The following CCDC12 variants were observed in gnomAD, a reference collection of about 807,000 sequenced individuals.
CCDC12 encodes the protein coiled-coil domain containing 12, also known as coiled-coil domain-containing protein 12.
CCDC12 carries 28 observed loss-of-function variants against 25.7 expected under a neutral mutation model. The observed-to-expected ratio is 1.09, with a 90% confidence interval of 0.81 to 1.50. The LOEUF (loss-of-function observed/expected upper bound fraction) is 1.50, where lower values mean the gene tolerates loss of function less well. CCDC12 is among the 40% of genes most tolerant of loss of function. The pLI is 0.00. For missense variants in CCDC12, 198 were observed against 210.0 expected (o/e 0.94, Z 0.35); for synonymous variants, 75 against 87.7 (o/e 0.86, Z 0.81).
At chr3:46,941,621 T>G (rs1042393697) in intron 1 of CCDC12, among the ~76,000 whole-genome samples, 1 of 151,256 alleles carries the variant, frequency 6.6e-6, no homozygotes, top group Non-Finnish European at 1.5e-5. Context: ...CCCAGGTACC[T>G]GGTAGCCCTT....
In CCDC12 at chr3:46,927,448, A is replaced by T. The variant is rs1010101853; in HGVS notation, c.165-1913T>A. Among the ~76,000 whole-genome samples, 50 of 152,196 alleles carry T rather than the reference A, an allele frequency of 3.3e-4. 1 individual carries two copies. The highest frequency in any genetic ancestry group is 3.1e-3 in the Admixed American group (47 of 15,282). On this transcript the variant is annotated intron_variant, in intron 2 of 6. Transcript: ENST00000683445. ...CTGTGAGAAATCAGAAGGAGAGAGG[A>T]GAGGCCACAGGGAACTGTACCCAGA...
chr3:46,931,062 G>C (rs539572347), intron 2 of CCDC12, among the ~76,000 whole-genome samples: 1 of 152,354 alleles, frequency 6.6e-6, no homozygotes, highest in African/African-American at 2.4e-5. Flanking sequence ...TCAATGACTT[G>C]AGAAGACATT....
intron 1 of CCDC12, among the ~76,000 whole-genome samples, chr3:46,951,779 C>CAAAAAAGAAAAAAAA (rs2034123347): frequency 7.3e-5 from 1 of 13,660 alleles, no homozygotes; most frequent in Non-Finnish European, 1.1e-4. Flanking sequence ...GACTCCGTCT[C>CAAAAAAGAAAAAAAA]AAAAAAAAAA....
At chr3:46,929,905 C>T (rs1378975176) in intron 2 of CCDC12, among the ~76,000 whole-genome samples, 4 of 151,682 alleles carry the variant, frequency 2.6e-5, no homozygotes, top group African/African-American at 9.7e-5. Flanking sequence ...GTGGCGGGTG[C>T]CTGTAATCCC....
chr3:46,922,356 C>G lies in CCDC12; in HGVS notation c.342-44G>C. On this transcript the variant is annotated intron_variant, in intron 5 of 6. Transcript: ENST00000683445. ...GAGAAGCAGGAAGGTGAAGGCTGGC[C>G]TGATGTGGCATTGGGTCCCCTCCCC... The G allele has an allele frequency of 3.1e-6, 5 of 1,609,202 alleles. No homozygotes were observed. The South Asian group carries it at 5.5e-5, about 18-fold the overall frequency.
At chr3:46,957,004 G>A (rs2034309808) in intron 1 of CCDC12, among the ~76,000 whole-genome samples, 1 of 152,156 alleles carries the variant, frequency 6.6e-6, no homozygotes, top group Non-Finnish European at 1.5e-5. Flanking sequence ...GCTGCCCAGA[G>A]CCCGAGCTCC....
At chr3:46,940,953 G>C in intron 2 of CCDC12, 45 bp downstream of exon 2, 1 of 1,585,292 alleles carries the variant, frequency 6.3e-7, no homozygotes, top group Non-Finnish European at 8.7e-7. Flanking sequence ...AGACCGATGA[G>C]TGCTGGAGGA....
chr3:46,927,354 G>C (rs1235883923), intron 2 of CCDC12, among the ~76,000 whole-genome samples: 12 of 152,186 alleles, frequency 7.9e-5, no homozygotes, highest in Admixed American at 7.9e-4. Context: ...GAGAAACTGG[G>C]TGTGGGAAGA....
At chr3:46,926,930 C>T (rs2107107029) in intron 2 of CCDC12, among the ~76,000 whole-genome samples, 1 of 152,218 alleles carries the variant, frequency 6.6e-6, no homozygotes, top group East Asian at 1.9e-4. Context: ...TCAGGCCCTG[C>T]AAAAGCAAGC....
chr3:46,962,527 C>G (rs928939504), intron 1 of CCDC12, among the ~76,000 whole-genome samples: 10 of 148,412 alleles, frequency 6.7e-5, no homozygotes, highest in African/African-American at 2.2e-4. Flanking sequence ...ATACACAGAA[C>G]AAAGGACACA....
intron 2 of CCDC12, among the ~76,000 whole-genome samples, chr3:46,934,586 C>T (rs1209889394): frequency 6.6e-6 from 1 of 152,238 alleles, no homozygotes; most frequent in Non-Finnish European, 1.5e-5. Flanking sequence ...TTAATGCACA[C>T]AGAAAGGATT....
At chr3:46,969,319 CTGTT>C (rs997301595) in intron 1 of CCDC12, among the ~76,000 whole-genome samples, 4 of 152,090 alleles carry the variant, frequency 2.6e-5, no homozygotes, top group African/African-American at 9.7e-5. Flanking sequence ...TTTTTTCTTT[CTGTT>C]TGTTTTTTAA....
chr3:46,946,759 G>A (rs559910701), intron 1 of CCDC12, among the ~76,000 whole-genome samples: 1 of 152,354 alleles, frequency 6.6e-6, no homozygotes, highest in Non-Finnish European at 1.5e-5. Flanking sequence ...CTGTGTGTCT[G>A]TGTTTGGGAG....
intron 1 of CCDC12, among the ~76,000 whole-genome samples, chr3:46,967,991 A>G (rs928772248): frequency 6.6e-6 from 1 of 152,202 alleles, no homozygotes; most frequent in Non-Finnish European, 1.5e-5. Context: ...GTCTCTCAAG[A>G]CAACCCAACG....
At chr3:46,976,461 C>A (rs1458441823) in intron 1 of CCDC12, 176 bp downstream of exon 1, 2 of 1,427,616 alleles carry the variant, frequency 1.4e-6, no homozygotes, top group Admixed American at 2.9e-5. Flanking sequence ...AGGAGTCCCA[C>A]GCCAAGCAGC....
intron 1 of CCDC12, among the ~76,000 whole-genome samples, chr3:46,956,394 C>T (rs1387220649): frequency 6.6e-6 from 1 of 152,238 alleles, no homozygotes; most frequent in Non-Finnish European, 1.5e-5. Context: ...CCACATGCTG[C>T]CTCCTCTTCA....
intron 1 of CCDC12, among the ~76,000 whole-genome samples, chr3:46,974,738 G>A (rs2034912669): frequency 6.6e-6 from 1 of 152,206 alleles, no homozygotes; most frequent in South Asian, 2.1e-4. Context: ...AAAGTGGGAA[G>A]TGCCCCCCAT....
chr3:46,964,422 C>T (rs1240930486), intron 1 of CCDC12, among the ~76,000 whole-genome samples: 1 of 152,242 alleles, frequency 6.6e-6, no homozygotes, highest in Non-Finnish European at 1.5e-5. Flanking sequence ...AGGAGCCCCT[C>T]TACCCGGCCA....
chr3:46,945,824 G>A (rs1276756989), intron 1 of CCDC12, among the ~76,000 whole-genome samples: 1 of 152,216 alleles, frequency 6.6e-6, no homozygotes, highest in East Asian at 1.9e-4. Context: ...CCTAATGTCT[G>A]TAAGATCTGT....
Sources: gnomAD v4.1 joint callset for allele counts (sites outside exome capture counted in the v4.1 genomes callset) on GRCh38, gnomAD v4.1.1 for gene constraint, MANE v1.5 for transcripts, NCBI Gene and HGNC (gene_info 2026-07-23, HGNC 2026-07-21) for gene names.